The following SLC10A7 variants were observed in gnomAD, a reference collection of about 807,000 sequenced individuals.
SLC10A7 encodes sodium/bile acid cotransporter 7.
Under a neutral mutation model 43.2 loss-of-function variants are expected in SLC10A7, and 29 were observed. The observed-to-expected ratio is 0.67, with a 90% CI of 0.50 to 0.92. The LOEUF (loss-of-function observed/expected upper bound fraction) is 0.92. SLC10A7 is among the 40% of genes least tolerant of loss of function. SLC10A7 has a pLI of 0.00. For synonymous variants in SLC10A7, 152 were observed against 144.8 expected, an observed-to-expected ratio of 1.05 and a Z score of -0.35; for missense variants, 295 against 403.2, an observed-to-expected ratio of 0.73 and a Z score of 2.30.
chr4:146,472,436 G>GT lies in SLC10A7; in HGVS notation c.397-29616dup, dbSNP rs5862760. On this transcript the variant is annotated intron_variant, in intron 4 of 11. Transcript: ENST00000335472. ...TTACATATCTGTGCAGGCTTATTCT[G>GT]TTTTTTTTTTTTTTTTTTCCTTTCA... 3.1e-3 allele frequency among the ~76,000 whole-genome samples: 399 copies of GT among 128,892 alleles called. 1 individual carries two copies. The highest frequency in any genetic ancestry group is 6.5e-3 in the African/African-American group (225 of 34,500). 84.6% of individuals were successfully genotyped at this position (128,892 alleles called of 152,430 possible).
At chr4:146,266,969 T>A (rs556388617) in intron 10 of SLC10A7, among the ~76,000 whole-genome samples, 110 of 152,330 alleles carry the variant, frequency 7.2e-4, no homozygotes, top group African/African-American at 2.6e-3. Flanking sequence ...CAGGCACTCT[T>A]CTAGGTGCAG....
chr4:146,415,172 A>G (rs533244996), intron 5 of SLC10A7, among the ~76,000 whole-genome samples: 9 of 152,320 alleles, frequency 5.9e-5, no homozygotes, highest in Admixed American at 1.3e-4. Context: ...TTTAAGAGAA[A>G]GAAACATTTA....
chr4:146,409,940 C>T (rs1728057685), intron 5 of SLC10A7, among the ~76,000 whole-genome samples: 1 of 152,150 alleles, frequency 6.6e-6, no homozygotes, highest in African/African-American at 2.4e-5. Context: ...CTTAACATTT[C>T]ATAGCATAAT....
Position 146,356,036 on chromosome 4 carries a change from T to C in SLC10A7, c.436-30040A>G, listed in dbSNP as rs1438337850. Among the ~76,000 whole-genome samples, 3 of 44,070 alleles carry C rather than the reference T, an allele frequency of 6.8e-5. No homozygotes were observed. The South Asian group carries it at 6.2e-3, about 91-fold the overall frequency. 28.9% of individuals were successfully genotyped at this position (44,070 alleles called of 152,430 possible). A position where few individuals can be genotyped will look rare whatever the true frequency, so the allele number is the denominator to read the frequency against. On this transcript the variant is annotated intron_variant, in intron 5 of 11. Coordinates refer to ENST00000335472, the MANE Select transcript of SLC10A7 (RefSeq NM_001029998.6). ...CACATGTACCCTAAAACTTAAAGTATAATAAAAAAAAAAAAATATATATAT... is the reference window on the plus strand; with the variant it reads ...CACATGTACCCTAAAACTTAAAGTACAATAAAAAAAAAAAAATATATATAT...
chr4:146,274,685 A>G (rs375019717), intron 10 of SLC10A7, among the ~76,000 whole-genome samples: 9 of 152,304 alleles, frequency 5.9e-5, no homozygotes, highest in East Asian at 1.9e-4. Context: ...GGACCACAAT[A>G]TCATATATTG....
intron 5 of SLC10A7, among the ~76,000 whole-genome samples, chr4:146,413,541 T>A (rs1416122585): frequency 6.6e-6 from 1 of 152,220 alleles, no homozygotes; most frequent in African/African-American, 2.4e-5. Flanking sequence ...CTACAGGTTC[T>A]TATTCCTAAT....
At chr4:146,258,537 T>C (rs1457653938) in intron 11 of SLC10A7, among the ~76,000 whole-genome samples, 155 bp downstream of exon 11, 3 of 152,264 alleles carry the variant, frequency 2.0e-5, no homozygotes, top group Non-Finnish European at 4.4e-5. Flanking sequence ...CAAATTGGAA[T>C]GGATCAGTGC....
In SLC10A7 at chr4:146,519,112, T is replaced by TATATAA. The variant is rs1553991185; in HGVS notation, c.101-1993_101-1992insTTATAT. On this transcript the variant is annotated intron_variant, in intron 1 of 11. Transcript: ENST00000335472. Reference sequence around the variant, plus strand: ...ATATATATATATATATATATATATATAATATAATATATAATTAATATATAT... The same window carrying TATATAA: ...ATATATATATATATATATATATATATATATAAAATATAATATATAATTAATATATAT... Among the ~76,000 whole-genome samples the TATATAA allele has an allele frequency of 5.3e-3, 85 of 15,960 alleles. 7 individuals are homozygous for TATATAA. The highest frequency in any genetic ancestry group is 8.4e-3 in the South Asian group (3 of 358). 10.5% of individuals were successfully genotyped at this position (15,960 alleles called of 152,430 possible). A position where few individuals can be genotyped will look rare whatever the true frequency, so the allele number is the denominator to read the frequency against.
intron 5 of SLC10A7, among the ~76,000 whole-genome samples, chr4:146,389,284 A>G (rs1214882405): frequency 6.6e-6 from 1 of 150,500 alleles, no homozygotes; most frequent in African/African-American, 2.5e-5. Flanking sequence ...CCATGTAACA[A>G]AACTCCATTT....
intron 5 of SLC10A7, among the ~76,000 whole-genome samples, chr4:146,405,975 A>G (rs951296366): frequency 2.6e-5 from 4 of 152,186 alleles, no homozygotes; most frequent in African/African-American, 4.8e-5. Context: ...TTTTCCATAA[A>G]GCCATTTTTG....
intron 5 of SLC10A7, among the ~76,000 whole-genome samples, chr4:146,326,394 C>G (rs1733105801): frequency 6.6e-6 from 1 of 152,176 alleles, no homozygotes; most frequent in Non-Finnish European, 1.5e-5. Flanking sequence ...AGTTGGGGTC[C>G]TCTCCTGAGC....
chr4:146,519,727 T>C (rs967309686), intron 1 of SLC10A7, among the ~76,000 whole-genome samples: 4 of 152,192 alleles, frequency 2.6e-5, no homozygotes, highest in African/African-American at 9.6e-5. Flanking sequence ...TTAAATACCC[T>C]GGTCTCCAAT....
chr4:146,304,846 G>T (rs538985775), intron 7 of SLC10A7, among the ~76,000 whole-genome samples: 4 of 151,994 alleles, frequency 2.6e-5, no homozygotes, highest in Non-Finnish European at 5.9e-5. Context: ...TGTTGACAGT[G>T]GGGCGTTAAA....
intron 4 of SLC10A7, among the ~76,000 whole-genome samples, chr4:146,464,755 A>T (rs1732854793): frequency 6.6e-6 from 1 of 152,136 alleles, no homozygotes; most frequent in South Asian, 2.1e-4. Context: ...AAAATTGCAA[A>T]TAAAAAAAGA....
At chr4:146,331,759 C>T (rs963343185) in intron 5 of SLC10A7, among the ~76,000 whole-genome samples, 2 of 152,182 alleles carry the variant, frequency 1.3e-5, no homozygotes, top group African/African-American at 2.4e-5. Flanking sequence ...AGGCTATCTT[C>T]ATCTTTTGTC....
At chr4:146,324,833 G>A (rs1732993655) in intron 6 of SLC10A7, among the ~76,000 whole-genome samples, 1 of 152,162 alleles carries the variant, frequency 6.6e-6, no homozygotes, top group African/African-American at 2.4e-5. Context: ...TGAAGTCCAT[G>A]TCAATGAAGT....
intron 5 of SLC10A7, among the ~76,000 whole-genome samples, chr4:146,344,641 C>T (rs1734491962): frequency 6.6e-6 from 1 of 151,942 alleles, no homozygotes; most frequent in Non-Finnish European, 1.5e-5. Flanking sequence ...CCTTTTTACT[C>T]TCATTCTCTT....
chr4:146,304,398 T>G (rs1363206430), intron 7 of SLC10A7, among the ~76,000 whole-genome samples: 1 of 151,984 alleles, frequency 6.6e-6, no homozygotes, highest in Non-Finnish European at 1.5e-5. Flanking sequence ...GTGCTATAAA[T>G]TTCCCTCTAC....
At chr4:146,262,097 A>T (rs990409245) in intron 10 of SLC10A7, among the ~76,000 whole-genome samples, 12 of 152,142 alleles carry the variant, frequency 7.9e-5, no homozygotes, top group Admixed American at 3.3e-4. Context: ...TTCCTTTTCA[A>T]TTATTAGAGT....
Sources: allele counts gnomAD v4.1 joint callset (sites outside exome capture counted in the v4.1 genomes callset), GRCh38; gene constraint gnomAD v4.1.1; transcripts MANE v1.5; gene names NCBI Gene and HGNC (gene_info 2026-07-23, HGNC 2026-07-21).